DLGAP1: variants seen among roughly 807,000 people sequenced by gnomAD.
The protein encoded by DLGAP1 is DLG associated protein 1.
Under a neutral mutation model 90.8 loss-of-function variants are expected in DLGAP1, and 11 were observed. The ratio of observed to expected loss-of-function variants is 0.12; its 90% CI spans 0.08 to 0.20. The LOEUF (loss-of-function observed/expected upper bound fraction) is 0.20. DLGAP1 is among the 10% of genes least tolerant of loss of function. The pLI, the probability that DLGAP1 is intolerant of heterozygous loss-of-function variation, is 1.00. For missense variants in DLGAP1, 1,050 were observed against 1,333.8 expected (o/e 0.79, Z 3.31); for synonymous variants, 558 against 540.7 (o/e 1.03, Z -0.44).
intron 1 of DLGAP1, among the ~76,000 whole-genome samples, chr18:4,414,795 A>C (rs56385737): frequency 0.068 from 10,302 of 152,110 alleles, 499 homozygotes; most frequent in South Asian, 0.13. Context: ...CAAAGTGAGA[A>C]TAGGTGGCAC....
At chr18:4,204,877 ATT>A (rs66487258) in intron 1 of DLGAP1, among the ~76,000 whole-genome samples, 83,337 of 147,036 alleles carry the variant, frequency 0.57, 23,302 homozygotes, top group East Asian at 0.76. Context: ...CCTTTTCCCA[ATT>A]TTTTTTTTTT....
intron 2 of DLGAP1, among the ~76,000 whole-genome samples, chr18:4,087,150 G>A (rs2075698847): frequency 6.7e-6 from 1 of 149,674 alleles, no homozygotes; most frequent in Non-Finnish European, 1.5e-5. Context: ...ATATATCTCA[G>A]AAGAAGGTTG....
At chr18:4,178,139 A>G (rs2077142954) in intron 1 of DLGAP1, among the ~76,000 whole-genome samples, 1 of 149,012 alleles carries the variant, frequency 6.7e-6, no homozygotes, top group African/African-American at 2.5e-5. Flanking sequence ...AGACTATCCC[A>G]CTATAGGGTC....
intron 1 of DLGAP1, among the ~76,000 whole-genome samples, chr18:4,449,932 G>T (rs1302363976): frequency 1.3e-5 from 2 of 152,154 alleles, no homozygotes; most frequent in African/African-American, 4.8e-5. Context: ...GGATTCACAG[G>T]AAAGACTTCC....
At chr18:4,382,487 CTT>C (rs3044414) in intron 1 of DLGAP1, among the ~76,000 whole-genome samples, 115,372 of 140,722 alleles carry the variant, frequency 0.82, 48,449 homozygotes, top group East Asian at 1. Context: ...CAGCATTATG[CTT>C]TTTTTTTTTT....
intron 7 of DLGAP1, among the ~76,000 whole-genome samples, chr18:3,696,925 G>A (rs2061113743): frequency 6.6e-6 from 1 of 152,132 alleles, no homozygotes; most frequent in African/African-American, 2.4e-5. Flanking sequence ...TTAGTCTTGG[G>A]AGGATGTATG....
At chr18:3,926,113 T>C (rs2072376134) in intron 3 of DLGAP1, among the ~76,000 whole-genome samples, 1 of 152,200 alleles carries the variant, frequency 6.6e-6, no homozygotes, top group Non-Finnish European at 1.5e-5. Flanking sequence ...AAGGACATGC[T>C]GGAGTGAACA....
At chr18:4,297,159 A>ATTT (rs2080003877) in intron 1 of DLGAP1, among the ~76,000 whole-genome samples, 1 of 152,216 alleles carries the variant, frequency 6.6e-6, no homozygotes, top group African/African-American at 2.4e-5. Flanking sequence ...TATAAGGAAG[A>ATTT]TATGCCAATT....
At chr18:4,253,000 G>C (rs991721457) in intron 1 of DLGAP1, among the ~76,000 whole-genome samples, 1 of 152,110 alleles carries the variant, frequency 6.6e-6, no homozygotes, top group Non-Finnish European at 1.5e-5. Context: ...ACAGGCCCAG[G>C]GCCAGTAGCT....
chr18:3,992,933 G>A (rs1046924841), intron 3 of DLGAP1, among the ~76,000 whole-genome samples: 1 of 152,106 alleles, frequency 6.6e-6, no homozygotes, highest in African/African-American at 2.4e-5. Context: ...CCTGGGGCAG[G>A]TAACAAAATC....
intron 7 of DLGAP1, among the ~76,000 whole-genome samples, chr18:3,672,199 TAGACACAC>T (rs1446126151): frequency 1.1e-5 from 1 of 93,692 alleles, no homozygotes; most frequent in African/African-American, 5.2e-5. Flanking sequence ...AACTGCTGAT[TAGACACAC>T]ACACACACAC....
At chr18:3,908,569 C>T (rs1267857461) in intron 3 of DLGAP1, among the ~76,000 whole-genome samples, 1 of 152,116 alleles carries the variant, frequency 6.6e-6, no homozygotes, top group East Asian at 1.9e-4. Context: ...TTGGTGGCCA[C>T]TGTCATAGGA....
intron 10 of DLGAP1, among the ~76,000 whole-genome samples, chr18:3,524,878 G>GT (rs2051499158): frequency 1.3e-5 from 2 of 152,158 alleles, no homozygotes; most frequent in Non-Finnish European, 2.9e-5. Flanking sequence ...AGACACACTT[G>GT]TGATCCGGAG....
At chr18:3,840,735 T>C (rs953211488) in intron 4 of DLGAP1, among the ~76,000 whole-genome samples, 1 of 152,172 alleles carries the variant, frequency 6.6e-6, no homozygotes, top group Non-Finnish European at 1.5e-5. Flanking sequence ...TATTTTATGA[T>C]AGGCACCATC....
rs774712411 is a variant in DLGAP1, at chr18:3,499,170, C to T, written c.*15G>A. On this transcript the variant is annotated 3_prime_UTR_variant, in exon 13 of 13. Transcript: ENST00000315677. This position sits in a 1 kb window ranked among gnomAD's most constrained non-coding sequence, Gnocchi z 6.4. ...GGGACAGATGCTTGGCGGCGGCGGC[C>T]GGGCTGCGGGGCGCTCAGAGCCGGG... The T allele has an allele frequency of 2.6e-6, 4 of 1,539,460 alleles. No individual in the cohort carries two copies. Among genetic ancestry groups the T allele is most frequent in the South Asian group, 2.4e-5 (2 of 84,112 alleles).
chr18:4,120,123 G>A (rs1458069303), intron 2 of DLGAP1, among the ~76,000 whole-genome samples: 3 of 152,208 alleles, frequency 2.0e-5, no homozygotes, highest in Non-Finnish European at 2.9e-5. Context: ...CTGAAAATTA[G>A]TGAAGATTAA....
chr18:4,109,311 T>C (rs1451104323), intron 2 of DLGAP1, among the ~76,000 whole-genome samples: 2 of 152,078 alleles, frequency 1.3e-5, no homozygotes, highest in African/African-American at 4.8e-5. Flanking sequence ...AATAATCAAC[T>C]TTTTGCCATT....
At chr18:4,143,580 A>T (rs1363536977) in intron 2 of DLGAP1, among the ~76,000 whole-genome samples, 1 of 151,744 alleles carries the variant, frequency 6.6e-6, no homozygotes, top group Non-Finnish European at 1.5e-5. Flanking sequence ...GGTACTGGGT[A>T]CCCCAAGCCT....
At chr18:4,273,102 C>A (rs182287575) in intron 1 of DLGAP1, among the ~76,000 whole-genome samples, 3 of 152,266 alleles carry the variant, frequency 2.0e-5, no homozygotes, top group Admixed American at 6.5e-5. Flanking sequence ...ATTTCTGTTG[C>A]TTTACCACCT....
Sources: allele counts gnomAD v4.1 joint callset (sites outside exome capture counted in the v4.1 genomes callset), GRCh38; gene constraint gnomAD v4.1.1; non-coding constraint Gnocchi (gnomAD v3.1); transcripts MANE v1.5; gene names NCBI Gene and HGNC (gene_info 2026-07-23, HGNC 2026-07-21).